CERS6: variants seen among roughly 807,000 people sequenced by gnomAD.
CERS6 encodes ceramide synthase 6, also known as LAG1 homolog, ceramide synthase 6.
Under a neutral mutation model 56.8 loss-of-function variants are expected in CERS6, and 26 were observed. The observed-to-expected ratio is 0.46, with a 90% CI of 0.34 to 0.63. The LOEUF (loss-of-function observed/expected upper bound fraction) is 0.63, where lower values mean the gene tolerates loss of function less well. CERS6 is among the 30% of genes least tolerant of loss of function. CERS6 has a pLI of 0.01. For missense variants in CERS6, 415 were observed against 467.5 expected, an observed-to-expected ratio of 0.89 and a Z score of 1.04; for synonymous variants, 164 against 173.3, an observed-to-expected ratio of 0.95 and a Z score of 0.42.
At chr2:168,464,254 G>A (rs1693831157) in intron 1 of CERS6, among the ~76,000 whole-genome samples, 1 of 151,252 alleles carries the variant, frequency 6.6e-6, no homozygotes, top group Non-Finnish European at 1.5e-5. Flanking sequence ...GTGCAGTGGT[G>A]TGATCTCAGC....
intron 3 of CERS6, among the ~76,000 whole-genome samples, chr2:168,598,937 C>T (rs1683868479): frequency 6.6e-6 from 1 of 152,176 alleles, no homozygotes; most frequent in African/African-American, 2.4e-5. Context: ...AAGAGAAACA[C>T]ATGTCAGAAG....
At chr2:168,587,197 AAAAT>A (rs1339609501) in intron 3 of CERS6, among the ~76,000 whole-genome samples, 2 of 152,160 alleles carry the variant, frequency 1.3e-5, no homozygotes, top group African/African-American at 4.8e-5. Context: ...AATATAAAAT[AAAAT>A]AAAATATAAA....
At chr2:168,694,607 A>C (rs998830496) in intron 5 of CERS6, among the ~76,000 whole-genome samples, 3 of 152,164 alleles carry the variant, frequency 2.0e-5, no homozygotes, top group Admixed American at 6.5e-5. Context: ...GCAGTTGTCC[A>C]GGGTTATTCT....
intron 4 of CERS6, among the ~76,000 whole-genome samples, chr2:168,668,537 C>T (rs1209723642): frequency 6.6e-6 from 1 of 150,726 alleles, no homozygotes; most frequent in Non-Finnish European, 1.5e-5. Flanking sequence ...GCCTCTGCCT[C>T]CTGAGATCAA....
chr2:168,522,246 A>G (rs1156332060), intron 1 of CERS6, among the ~76,000 whole-genome samples: 1 of 152,160 alleles, frequency 6.6e-6, no homozygotes, highest in Non-Finnish European at 1.5e-5. Flanking sequence ...GGTGGTAGAG[A>G]ACTGGGTGGA....
chr2:168,601,841 C>T (rs1683940871), intron 3 of CERS6, among the ~76,000 whole-genome samples: 2 of 152,080 alleles, frequency 1.3e-5, no homozygotes, highest in Admixed American at 6.5e-5. Context: ...TGAGCCACCT[C>T]GCCCAGCCCT....
intron 8 of CERS6, among the ~76,000 whole-genome samples, chr2:168,752,293 G>GTGTGTGTGTA (rs1202310350): frequency 1.3e-5 from 2 of 148,392 alleles, no homozygotes; most frequent in Non-Finnish European, 3.0e-5. Flanking sequence ...GTGTGTGTGT[G>GTGTGTGTGTA]TGTGTGTGTG....
intron 1 of CERS6, among the ~76,000 whole-genome samples, chr2:168,463,369 T>C (rs73969223): frequency 0.08 from 12,107 of 152,282 alleles, 750 homozygotes; most frequent in African/African-American, 0.17. Context: ...TATTCTACAC[T>C]GTGGTTATAC....
intron 1 of CERS6, among the ~76,000 whole-genome samples, chr2:168,535,515 C>T (rs763062661): frequency 6.6e-6 from 1 of 152,048 alleles, no homozygotes; most frequent in Non-Finnish European, 1.5e-5. Context: ...GTGGATCATG[C>T]CAGCCTCCTA....
At chr2:168,748,340 C>G (rs918351932) in intron 8 of CERS6, among the ~76,000 whole-genome samples, 1 of 152,152 alleles carries the variant, frequency 6.6e-6, no homozygotes, top group African/African-American at 2.4e-5. Flanking sequence ...CTCAGTATAA[C>G]TGGTGGAAAC....
intron 4 of CERS6, among the ~76,000 whole-genome samples, chr2:168,632,597 G>A (rs903127573): frequency 6.6e-6 from 1 of 152,168 alleles, no homozygotes; most frequent in African/African-American, 2.4e-5. Context: ...TTCTCAACTG[G>A]AGTAAATAAA....
At chr2:168,688,883 A>G (rs538130564) in intron 4 of CERS6, among the ~76,000 whole-genome samples, 1 of 152,274 alleles carries the variant, frequency 6.6e-6, no homozygotes, top group South Asian at 2.1e-4. Context: ...GATCTAGGGG[A>G]TGCACATCTG....
chr2:168,667,807 T>G (rs1685802426), intron 4 of CERS6, among the ~76,000 whole-genome samples: 1 of 152,228 alleles, frequency 6.6e-6, no homozygotes, highest in South Asian at 2.1e-4. Context: ...TTCAAATAGT[T>G]CTGTCTAGTA....
At chr2:168,464,937 T>C (rs1693844974) in intron 1 of CERS6, among the ~76,000 whole-genome samples, 1 of 152,162 alleles carries the variant, frequency 6.6e-6, no homozygotes, top group Non-Finnish European at 1.5e-5. Context: ...TTGTGCACTG[T>C]TGGTGGGAAT....
chr2:168,654,205 A>C (rs529885364), intron 4 of CERS6, among the ~76,000 whole-genome samples: 1 of 152,302 alleles, frequency 6.6e-6, no homozygotes, highest in Admixed American at 6.5e-5. Flanking sequence ...TCAAGGCTAT[A>C]GGTAGTGTCT....
At chr2:168,510,476 G>A (rs1247463558) in intron 1 of CERS6, among the ~76,000 whole-genome samples, 4 of 152,172 alleles carry the variant, frequency 2.6e-5, no homozygotes, top group Non-Finnish European at 4.4e-5. Context: ...GAGTAATAGG[G>A]CAGACCACAT....
chr2:168,500,918 T>C (rs921469808), intron 1 of CERS6, among the ~76,000 whole-genome samples: 1 of 152,232 alleles, frequency 6.6e-6, no homozygotes, highest in Non-Finnish European at 1.5e-5. Flanking sequence ...CAATGTGGCC[T>C]AGCATATATA....
In CERS6 at chr2:168,770,869, T is replaced by C. The variant is rs1176321846; in HGVS notation, c.*1207T>C. 6.6e-6 allele frequency: 1 copy of C among 152,226 alleles called. No individual in the cohort carries two copies. Among genetic ancestry groups the C allele is most frequent in the Non-Finnish European group, 1.5e-5 (1 of 68,036 alleles). The allele number at this position is 152,226 out of a possible 1,614,324, so 9.4% of individuals were successfully genotyped here. On this transcript the variant is annotated 3_prime_UTR_variant, in exon 10 of 10. Transcript: ENST00000305747. ...AATGCTTCTTTGGTTTCCAGGAATT[T>C]TTTTCAAATGGGGCTGTTTCTGGAA...
intron 2 of CERS6, among the ~76,000 whole-genome samples, chr2:168,551,737 A>G (rs969244400): frequency 6.6e-6 from 1 of 152,176 alleles, no homozygotes; most frequent in African/African-American, 2.4e-5. Flanking sequence ...ATTCTCCTCA[A>G]CTGTATTGGA....
Sources: gnomAD v4.1 joint callset for allele counts (sites outside exome capture counted in the v4.1 genomes callset) on GRCh38, gnomAD v4.1.1 for gene constraint, MANE v1.5 for transcripts, NCBI Gene and HGNC (gene_info 2026-07-23, HGNC 2026-07-21) for gene names.